CNBD1: variants seen among roughly 807,000 people sequenced by gnomAD.
The protein encoded by CNBD1 is cyclic nucleotide binding domain containing 1, also known as cyclic nucleotide-binding domain-containing protein 1.
In CNBD1, 71 loss-of-function variants were observed where a neutral mutation model predicts 54.4. That is an observed-to-expected ratio of 1.30 (90% CI 1.08 to 1.59). The LOEUF (loss-of-function observed/expected upper bound fraction) is 1.59. CNBD1 is among the 40% of genes most tolerant of loss of function. The probability of loss-of-function intolerance (pLI) is 0.00; values close to 1 mark genes in which losing one functional copy is unlikely to be tolerated. For synonymous variants in CNBD1, 182 were observed against 170.7 expected (o/e 1.07, Z -0.51); for missense variants, 659 against 518.0 (o/e 1.27, Z -2.64).
chr8:87,376,641 T>C (rs570765519), intron 10 of CNBD1, among the ~76,000 whole-genome samples: 1 of 152,122 alleles, frequency 6.6e-6, no homozygotes, highest in African/African-American at 2.4e-5. Context: ...TAGAAATCTT[T>C]AATAGCTAAA....
intron 7 of CNBD1, among the ~76,000 whole-genome samples, chr8:87,285,465 C>A (rs75830608): frequency 6.6e-6 from 1 of 152,066 alleles, no homozygotes; most frequent in Non-Finnish European, 1.5e-5. Context: ...AGGCTAGGGG[C>A]GGTGGCTCAT....
chr8:87,139,649 G>A (rs774704777), intron 4 of CNBD1, among the ~76,000 whole-genome samples: 1 of 152,162 alleles, frequency 6.6e-6, no homozygotes, highest in East Asian at 1.9e-4. Context: ...TGGCTTGAAG[G>A]TGTCTCATGG....
chr8:87,337,170 C>T (rs568913458), intron 8 of CNBD1, among the ~76,000 whole-genome samples: 1 of 152,226 alleles, frequency 6.6e-6, no homozygotes, highest in East Asian at 1.9e-4. Flanking sequence ...TGGGATCTTA[C>T]CCAGCTTGGT....
intron 4 of CNBD1, among the ~76,000 whole-genome samples, chr8:87,045,110 C>T (rs1438656688): frequency 6.6e-6 from 1 of 152,152 alleles, no homozygotes; most frequent in African/African-American, 2.4e-5. Context: ...GCTAGGGTTT[C>T]TTCTGGGCCT....
In CNBD1 at chr8:87,250,097, A is replaced by T. The variant is rs1367607800; in HGVS notation, c.771+12985A>T. ...CATTTTAAAAGGGATTAATAACCAG[A>T]ATTTATAAGGAGCTCAAACAACTCA... is the stretch of plus-strand genomic sequence containing the variant. On this transcript the variant is annotated intron_variant, in intron 6 of 10. Coordinates refer to ENST00000518476, the MANE Select transcript of CNBD1 (RefSeq NM_173538.3). Among the ~76,000 whole-genome samples, 5 of 152,236 alleles carry T rather than the reference A, an allele frequency of 3.3e-5. No homozygotes were observed. The East Asian group carries it at 9.6e-4, about 29-fold the overall frequency.
chr8:86,953,043 C>G (rs982285101), intron 4 of CNBD1, among the ~76,000 whole-genome samples: 1 of 152,094 alleles, frequency 6.6e-6, no homozygotes, highest in Admixed American at 6.6e-5. Flanking sequence ...GGATCTTGAT[C>G]CATGTTGTGT....
intron 4 of CNBD1, among the ~76,000 whole-genome samples, chr8:86,974,724 T>A (rs1482019672): frequency 6.6e-6 from 1 of 151,946 alleles, no homozygotes; most frequent in Non-Finnish European, 1.5e-5. Flanking sequence ...AATATAATAT[T>A]ATTTAGGAAT....
chr8:87,271,258 C>T (rs571911856), intron 6 of CNBD1, among the ~76,000 whole-genome samples: 3 of 151,480 alleles, frequency 2.0e-5, no homozygotes, highest in African/African-American at 7.2e-5. Flanking sequence ...TTTTTTCAGT[C>T]TCAATTTCAT....
intron 10 of CNBD1, among the ~76,000 whole-genome samples, chr8:87,354,341 GTGGATCCCAGGCAGGGACC>G (rs1810375400): frequency 6.6e-6 from 1 of 152,052 alleles, no homozygotes; most frequent in Non-Finnish European, 1.5e-5. Flanking sequence ...GGGGTACTTG[GTGGATCCCAGGCAGGGACC>G]TGGGCCTCAT....
chr8:86,968,636 A>C (rs937284071), intron 4 of CNBD1, among the ~76,000 whole-genome samples: 4 of 152,170 alleles, frequency 2.6e-5, no homozygotes, highest in African/African-American at 9.7e-5. Flanking sequence ...GGGGAAGAGA[A>C]ATATTTTTTA....
chr8:86,890,255 C>A (rs1026903992), intron 2 of CNBD1, among the ~76,000 whole-genome samples: 6 of 152,096 alleles, frequency 3.9e-5, no homozygotes, highest in Non-Finnish European at 7.4e-5. Flanking sequence ...TCCTCCCCAG[C>A]AACCTGGCTC....
At chr8:87,353,160 C>T (rs1810342048) in intron 9 of CNBD1, among the ~76,000 whole-genome samples, 1 of 152,166 alleles carries the variant, frequency 6.6e-6, no homozygotes. Context: ...TGTACTTAAA[C>T]AGAAAAGACA....
chr8:87,048,264 GAGGT>G (rs1810242420), intron 4 of CNBD1, among the ~76,000 whole-genome samples: 1 of 152,128 alleles, frequency 6.6e-6, no homozygotes. Flanking sequence ...AGTGGGCAAG[GAGGT>G]TATATATTTA....
chr8:87,358,480 A>G (rs560115004), intron 10 of CNBD1, among the ~76,000 whole-genome samples: 11 of 152,174 alleles, frequency 7.2e-5, no homozygotes, highest in Non-Finnish European at 1.3e-4. Flanking sequence ...TCCTATATAA[A>G]TGATGTTAAC....
intron 6 of CNBD1, among the ~76,000 whole-genome samples, chr8:87,275,254 C>A (rs574849339): frequency 2.9e-5 from 4 of 137,886 alleles, no homozygotes; most frequent in East Asian, 4.0e-4. Context: ...CTTGGTGATG[C>A]GGGCTCTTTT....
intron 4 of CNBD1, among the ~76,000 whole-genome samples, chr8:87,186,389 G>A (rs1439125161): frequency 2.6e-5 from 4 of 151,996 alleles, no homozygotes; most frequent in African/African-American, 9.7e-5. Flanking sequence ...ATCTAATCAA[G>A]CACCAAAAAT....
At chr8:87,007,583 G>A (rs1788742277) in intron 4 of CNBD1, among the ~76,000 whole-genome samples, 1 of 151,608 alleles carries the variant, frequency 6.6e-6, no homozygotes, top group Non-Finnish European at 1.5e-5. Context: ...TGTTACTGAT[G>A]GTATTTCATC....
chr8:87,202,721 T>C (rs1813889230), intron 4 of CNBD1, among the ~76,000 whole-genome samples: 1 of 152,154 alleles, frequency 6.6e-6, no homozygotes, highest in Non-Finnish European at 1.5e-5. Flanking sequence ...GGAAAATGCC[T>C]GAGTACTGAA....
At chr8:87,217,222 T>C (rs575690118) in intron 5 of CNBD1, among the ~76,000 whole-genome samples, 41 of 152,130 alleles carry the variant, frequency 2.7e-4, no homozygotes, top group Non-Finnish European at 5.4e-4. Flanking sequence ...TGTGATTATA[T>C]GGCACATTAT....
Sources: gnomAD v4.1 joint callset for allele counts (sites outside exome capture counted in the v4.1 genomes callset) on GRCh38, gnomAD v4.1.1 for gene constraint, MANE v1.5 for transcripts, NCBI Gene and HGNC (gene_info 2026-07-23, HGNC 2026-07-21) for gene names.